The following AGPAT5 variants were observed in gnomAD, a reference collection of about 807,000 sequenced individuals.
The protein encoded by AGPAT5 is 1-acyl-sn-glycerol-3-phosphate acyltransferase epsilon.
Under a neutral mutation model 45.6 loss-of-function variants are expected in AGPAT5, and 46 were observed. The observed-to-expected ratio is 1.01, with a 90% CI of 0.80 to 1.29. AGPAT5 has a LOEUF of 1.29. Among genes scored for constraint, AGPAT5 ranks in the 50% most tolerant of loss-of-function variants. AGPAT5 has a pLI of 0.00. For synonymous variants in AGPAT5, 272 were observed against 167.0 expected, an observed-to-expected ratio of 1.63 and a Z score of -4.85; for missense variants, 673 against 450.7, an observed-to-expected ratio of 1.49 and a Z score of -4.47.
chr8:6,743,953 G>C (rs1272790949), intron 5 of AGPAT5, among the ~76,000 whole-genome samples: 2 of 152,030 alleles, frequency 1.3e-5, no homozygotes, highest in Admixed American at 1.3e-4. Flanking sequence ...GTAGAGATTT[G>C]AGAGTTCTTT....
intron 2 of AGPAT5, among the ~76,000 whole-genome samples, chr8:6,725,944 T>C (rs1800672282): frequency 6.6e-6 from 1 of 152,188 alleles, no homozygotes; most frequent in African/African-American, 2.4e-5. Context: ...AGATGAGGTA[T>C]AGAAAGTAAA....
intron 1 of AGPAT5, among the ~76,000 whole-genome samples, chr8:6,717,706 C>T (rs1047024494): frequency 5.9e-5 from 9 of 152,276 alleles, no homozygotes; most frequent in East Asian, 1.9e-4. Flanking sequence ...ACGTAGTTAA[C>T]GCCAGCTCTT....
chr8:6,753,532 C>G (rs1348099413), intron 6 of AGPAT5, among the ~76,000 whole-genome samples: 2 of 152,156 alleles, frequency 1.3e-5, no homozygotes, highest in African/African-American at 2.4e-5. Flanking sequence ...GTGCCAAGCA[C>G]TCCTGTAGGT....
In AGPAT5 at chr8:6,713,151, G is replaced by A. The variant is rs575926308; in HGVS notation, c.219+4264G>A. Among the ~76,000 whole-genome samples, 9 of 152,260 alleles carry A rather than the reference G, an allele frequency of 5.9e-5. No individual in the cohort carries two copies. In the South Asian group the frequency reaches 1.9e-3, roughly 32 times the overall value. ...TTCTAGCTAATTTTTAAAAGTTTTT[G>A]TAGAAATGGGGTCTTTCTGTGTTGC... On this transcript the variant is annotated intron_variant, in intron 1 of 7. Coordinates refer to ENST00000285518, the MANE Select transcript of AGPAT5 (RefSeq NM_018361.5).
intron 1 of AGPAT5, among the ~76,000 whole-genome samples, chr8:6,718,572 C>G (rs1173583222): frequency 6.6e-6 from 1 of 152,178 alleles, no homozygotes; most frequent in African/African-American, 2.4e-5. Context: ...ATGTAGTCTG[C>G]AAGCATCCTG....
At chr8:6,717,459 A>G (rs1157096628) in intron 1 of AGPAT5, among the ~76,000 whole-genome samples, 1 of 152,242 alleles carries the variant, frequency 6.6e-6, no homozygotes, top group Non-Finnish European at 1.5e-5. Context: ...TAAAAGGTGT[A>G]ATGTTCTAGA....
chr8:6,752,466 T>C (rs1199759344), intron 6 of AGPAT5, among the ~76,000 whole-genome samples: 1 of 152,216 alleles, frequency 6.6e-6, no homozygotes, highest in Non-Finnish European at 1.5e-5. Flanking sequence ...TCCGTAACTT[T>C]TTTTTAAAGG....
At chr8:6,744,231 T>A (rs933966317) in intron 5 of AGPAT5, among the ~76,000 whole-genome samples, 1 of 152,186 alleles carries the variant, frequency 6.6e-6, no homozygotes, top group Non-Finnish European at 1.5e-5. Flanking sequence ...CTTGAACAAA[T>A]GTTTATTCTT....
At chr8:6,736,622 A>C (rs1430388822) in intron 4 of AGPAT5, among the ~76,000 whole-genome samples, 1 of 152,202 alleles carries the variant, frequency 6.6e-6, no homozygotes, top group African/African-American at 2.4e-5. Context: ...AATCAGTTGA[A>C]GCCTCAGGTG....
At chr8:6,743,082 TTCTC>T (rs1801289885) in intron 5 of AGPAT5, among the ~76,000 whole-genome samples, 1 of 152,218 alleles carries the variant, frequency 6.6e-6, no homozygotes, top group Non-Finnish European at 1.5e-5. Flanking sequence ...TGATTTGAAA[TTCTC>T]TCCCTAGACT....
At chr8:6,715,749 A>G (rs1259745345) in intron 1 of AGPAT5, among the ~76,000 whole-genome samples, 2 of 152,220 alleles carry the variant, frequency 1.3e-5, no homozygotes, top group Non-Finnish European at 2.9e-5. Context: ...CTGAAATTAG[A>G]GACGTGTTTA....
chr8:6,736,586 C>T lies in AGPAT5; in HGVS notation c.495+3936C>T, dbSNP rs114021623. 1.7e-3 allele frequency among the ~76,000 whole-genome samples: 259 copies of T among 152,312 alleles called. 1 individual carries two copies. The highest frequency in any genetic ancestry group is 6.0e-3 in the African/African-American group (251 of 41,576). On this transcript the variant is annotated intron_variant, in intron 4 of 7. Transcript: ENST00000285518. Reference sequence around the variant, plus strand: ...CTTTGTTATCTTCCTTTGCTGCTGGCTGTGTTTGGTTAAGTTATTTGTGGA... The same window carrying T: ...CTTTGTTATCTTCCTTTGCTGCTGGTTGTGTTTGGTTAAGTTATTTGTGGA...
chr8:6,723,648 T>G (rs1800583209), intron 1 of AGPAT5, among the ~76,000 whole-genome samples: 1 of 152,242 alleles, frequency 6.6e-6, no homozygotes, highest in Non-Finnish European at 1.5e-5. Context: ...AAGCTATTGG[T>G]ATTACTCATT....
intron 6 of AGPAT5, among the ~76,000 whole-genome samples, chr8:6,748,612 C>T (rs1231677168): frequency 6.6e-6 from 1 of 152,216 alleles, no homozygotes. Flanking sequence ...TCACACGATT[C>T]TCCTGCCTCA....
rs191638322 is a variant in AGPAT5 at position 6,751,574 on chromosome 8, G to A, written c.746-3477G>A. Among the ~76,000 whole-genome samples the A allele has an allele frequency of 1.6e-4, 25 of 152,294 alleles. No individual in the cohort carries two copies. In the East Asian group the frequency reaches 1.9e-3, roughly 12 times the overall value. On this transcript the variant is annotated intron_variant, in intron 6 of 7. Coordinates refer to ENST00000285518, the MANE Select transcript of AGPAT5 (RefSeq NM_018361.5). The stretch of plus-strand genomic sequence containing the variant: ...GCCAGTAGTGTCCCTTGTCCTTCCC[G>A]TTTTATGGTGTAAGTTTCATTTTAA...
intron 5 of AGPAT5, among the ~76,000 whole-genome samples, chr8:6,745,562 T>C (rs1377207966): frequency 1.3e-5 from 2 of 152,242 alleles, no homozygotes; most frequent in African/African-American, 4.8e-5. Flanking sequence ...TTAACTTTAT[T>C]GTAGAAATAA....
chr8:6,737,251 C>T (rs1365487377), intron 4 of AGPAT5, among the ~76,000 whole-genome samples: 1 of 152,290 alleles, frequency 6.6e-6, no homozygotes, highest in South Asian at 2.1e-4. Flanking sequence ...TGTTTCATTT[C>T]TTAATATGTA....
chr8:6,745,749 G>GCC (rs1342040628), intron 5 of AGPAT5: 1 of 149,734 alleles, frequency 6.7e-6, no homozygotes, highest in African/African-American at 2.5e-5. Context: ...TCCGGAGTCT[G>GCC]TATTTCTTGC....
In AGPAT5 at chr8:6,724,870, A is replaced by C; in HGVS notation, c.220A>C (p.Ile74Leu). ...AATGTTTTTTTGTTTTATCTTTTAGATATTGCTATATGGAGATTTGCCAAA... is the reference window on the plus strand; with the variant it reads ...AATGTTTTTTTGTTTTATCTTTTAGCTATTGCTATATGGAGATTTGCCAAA... The part of the protein sequence containing the change: ...FFFENYTGVQ[I>L]LLYGDLPKNK... The change falls in exon 2 of 8, where the codon ATA becomes CTA. Residue 74 changes from isoleucine to leucine, a missense_variant and splice_region_variant. Physicochemically the swap from Ile to Leu is conservative, Grantham distance 5. Transcript: ENST00000285518. 1.0e-6 allele frequency: 1 copy of C among 965,340 alleles called. No individual in the cohort carries two copies. The highest frequency in any genetic ancestry group is 1.4e-6 in the Non-Finnish European group (1 of 702,106). The allele number at this position is 965,340 out of a possible 1,614,324, so 59.8% of individuals were successfully genotyped here.
Sources: gnomAD v4.1 joint callset for allele counts (sites outside exome capture counted in the v4.1 genomes callset) on GRCh38, gnomAD v4.1.1 for gene constraint, MANE v1.5 for transcripts, NCBI Gene and HGNC (gene_info 2026-07-23, HGNC 2026-07-21) for gene names.